Variants in RGS21 observed in about 807,000 individuals in gnomAD.
RGS21 encodes regulator of G-protein signalling 21.
In RGS21, 19 loss-of-function variants were observed where a neutral mutation model predicts 18.7. The observed-to-expected ratio is 1.01, with a 90% CI of 0.71 to 1.49. The LOEUF is 1.49. Ranked by LOEUF, RGS21 falls within the 40% of genes most tolerant of loss-of-function variation. RGS21 has a pLI of 0.00. For missense variants in RGS21, 194 were observed against 176.8 expected, an observed-to-expected ratio of 1.10 and a Z score of -0.55; for synonymous variants, 56 against 57.8, an observed-to-expected ratio of 0.97 and a Z score of 0.14.
chr1:192,357,210 G>A (rs1180013914), intron 4 of RGS21, among the ~76,000 whole-genome samples: 1 of 151,754 alleles, frequency 6.6e-6, no homozygotes, highest in Non-Finnish European at 1.5e-5. Flanking sequence ...GACAAGATGG[G>A]AAGAGAGAAG....
At chr1:192,338,155 T>C (rs1658800792) in intron 1 of RGS21, among the ~76,000 whole-genome samples, 2 of 152,136 alleles carry the variant, frequency 1.3e-5, no homozygotes, top group South Asian at 4.1e-4. Flanking sequence ...TTCAGTGGTA[T>C]TGCCATTGCT....
intron 2 of RGS21, among the ~76,000 whole-genome samples, chr1:192,344,514 T>C (rs891476808): frequency 6.6e-6 from 1 of 152,122 alleles, no homozygotes; most frequent in African/African-American, 2.4e-5. Context: ...CAATGTGGTA[T>C]GCATTGTAAA....
chr1:192,360,064 T>TC (rs1204929940), intron 4 of RGS21, among the ~76,000 whole-genome samples: 1 of 151,976 alleles, frequency 6.6e-6, no homozygotes, highest in Admixed American at 6.6e-5. Context: ...CCAAAATGTA[T>TC]TATAATGAGA....
At chr1:192,334,398 G>C (rs962232372) in intron 1 of RGS21, among the ~76,000 whole-genome samples, 4 of 152,048 alleles carry the variant, frequency 2.6e-5, no homozygotes, top group Admixed American at 2.6e-4. Flanking sequence ...TTTTGTTTTA[G>C]AATTGAATTA....
intron 1 of RGS21, 35 bp downstream of exon 1, chr1:192,317,140 A>C (rs1014984045): frequency 1.3e-5 from 2 of 151,924 alleles, no homozygotes; most frequent in African/African-American, 4.8e-5. Flanking sequence ...TATTATATAA[A>C]TGAACTTGTT....
chr1:192,352,041 T>TG lies in RGS21; in HGVS notation c.89-6_89-5insG. On this transcript the variant is annotated splice_region_variant and splice_polypyrimidine_tract_variant and intron_variant, in intron 3 of 4. Transcript: ENST00000417209. ...TATACAAAACTTTTTCTCATATATT[T>TG]TATAGCTGGTCTAGATGCTTTTCGA... The TG allele has an allele frequency of 1.3e-6, 2 of 1,562,078 alleles. No homozygotes were observed.
In RGS21 at chr1:192,352,177, T is replaced by G. The variant is rs753227061; in HGVS notation, c.219T>G (p.Ile73Met). The G allele has an allele frequency of 3.7e-5, 60 of 1,610,146 alleles. No homozygotes were observed. The highest frequency in any genetic ancestry group is 4.6e-5 in the Non-Finnish European group (54 of 1,178,280). The stretch of plus-strand genomic sequence containing the variant: ...AAATTGCTTCCAAAGCCAAGATGAT[T>G]TATTCTGAATTCATTGAAGCTGATG... ...ADKIASKAKM[I>M]YSEFIEADAP... Residue 73 changes from isoleucine (I) to methionine (M), a missense_variant, in exon 4 of 5, where the codon ATT becomes ATG. Physicochemically the swap from Ile to Met is conservative, Grantham distance 10. Transcript: ENST00000417209.
chr1:192,325,695 G>C (rs574427707), intron 1 of RGS21, among the ~76,000 whole-genome samples: 1 of 152,180 alleles, frequency 6.6e-6, no homozygotes, highest in Admixed American at 6.5e-5. Context: ...GCATGTCTCT[G>C]ATTAGTGATG....
chr1:192,359,489 T>C (rs2102237662), intron 4 of RGS21, among the ~76,000 whole-genome samples: 1 of 152,016 alleles, frequency 6.6e-6, no homozygotes, highest in Non-Finnish European at 1.5e-5. Flanking sequence ...CTTTTAGAGA[T>C]AGAACTGTAT....
intron 1 of RGS21, among the ~76,000 whole-genome samples, chr1:192,332,683 A>G (rs1658675205): frequency 6.6e-6 from 1 of 152,232 alleles, no homozygotes. Context: ...CATACTAGGA[A>G]GTAATATTTG....
At chr1:192,354,192 CGAGT>C (rs1557980913) in intron 4 of RGS21, among the ~76,000 whole-genome samples, 1 of 151,262 alleles carries the variant, frequency 6.6e-6, no homozygotes, top group Non-Finnish European at 1.5e-5. Flanking sequence ...GTGAAATTAC[CGAGT>C]GAAAGAAGAG....
intron 1 of RGS21, among the ~76,000 whole-genome samples, chr1:192,319,660 T>C (rs1294426533): frequency 6.6e-6 from 1 of 152,112 alleles, no homozygotes; most frequent in Non-Finnish European, 1.5e-5. Context: ...CAGTTATCAA[T>C]TGTGATTATT....
intron 3 of RGS21, among the ~76,000 whole-genome samples, chr1:192,349,766 A>T (rs1474506236): frequency 6.6e-6 from 1 of 152,130 alleles, no homozygotes; most frequent in Non-Finnish European, 1.5e-5. Context: ...ACTAATTTTT[A>T]GTTGAGAGTA....
In RGS21 at chr1:192,337,389, AT is replaced by A. The variant is rs1180159513; in HGVS notation, c.-60-5587del. 2.6e-5 allele frequency among the ~76,000 whole-genome samples: 4 copies of A among 152,134 alleles called. No homozygotes were observed. The East Asian group carries it at 7.7e-4, about 29-fold the overall frequency. ...TTTTTATTAAAAAGTTAATAAAAAA[AT>A]AACTTTTTTATTTTTTATTAAATAA... On this transcript the variant is annotated intron_variant, in intron 1 of 4. Transcript: ENST00000417209.
chr1:192,331,514 T>A (rs1408817857), intron 1 of RGS21, among the ~76,000 whole-genome samples: 1 of 151,640 alleles, frequency 6.6e-6, no homozygotes, highest in Non-Finnish European at 1.5e-5. Flanking sequence ...GCCACTGCAC[T>A]CCAGCCTGGT....
chr1:192,349,792 T>C (rs971740166), intron 3 of RGS21, among the ~76,000 whole-genome samples: 1 of 152,108 alleles, frequency 6.6e-6, no homozygotes, highest in African/African-American at 2.4e-5. Flanking sequence ...TCATTAAAAG[T>C]GGAGAGCAAG....
At chr1:192,334,936 G>A (rs1299735758) in intron 1 of RGS21, among the ~76,000 whole-genome samples, 1 of 152,064 alleles carries the variant, frequency 6.6e-6, no homozygotes, top group Non-Finnish European at 1.5e-5. Context: ...CCTGCCTAAT[G>A]AGTTTGCACA....
chr1:192,331,052 G>A (rs1349981789), intron 1 of RGS21, among the ~76,000 whole-genome samples: 2 of 152,128 alleles, frequency 1.3e-5, no homozygotes, highest in Non-Finnish European at 2.9e-5. Context: ...ACCTATGGTT[G>A]ATGTATATGT....
chr1:192,329,357 G>A (rs1658613259), intron 1 of RGS21, among the ~76,000 whole-genome samples: 1 of 151,900 alleles, frequency 6.6e-6, no homozygotes, highest in Non-Finnish European at 1.5e-5. Flanking sequence ...GCTTCCCTAG[G>A]CCATTTCTCT....
Sources: gnomAD v4.1 joint callset for allele counts (sites outside exome capture counted in the v4.1 genomes callset) on GRCh38, gnomAD v4.1.1 for gene constraint, MANE v1.5 for transcripts, NCBI Gene and HGNC (gene_info 2026-07-23, HGNC 2026-07-21) for gene names.